Variants in GAB1 observed in about 807,000 individuals in gnomAD.
GAB1 encodes GRB2 associated binding protein 1.
Under a neutral mutation model 66.5 loss-of-function variants are expected in GAB1, and 19 were observed. The ratio of observed to expected loss-of-function variants is 0.29; its 90% CI spans 0.20 to 0.42. GAB1 has a LOEUF of 0.42. Among genes scored for constraint, GAB1 ranks in the 10% least tolerant of loss-of-function variants. The probability of loss-of-function intolerance (pLI) is 1.00; values close to 1 mark genes in which losing one functional copy is unlikely to be tolerated. For missense variants in GAB1, 732 were observed against 858.5 expected (o/e 0.85, Z 1.84); for synonymous variants, 294 against 301.4 (o/e 0.98, Z 0.25).
At chr4:143,348,170 A>G (rs1261402869) in intron 1 of GAB1, among the ~76,000 whole-genome samples, 1 of 152,232 alleles carries the variant, frequency 6.6e-6, no homozygotes. Flanking sequence ...AAACATTATT[A>G]TAATCTTGGA....
intron 2 of GAB1, among the ~76,000 whole-genome samples, chr4:143,423,862 A>C (rs1433430879): frequency 8.0e-6 from 1 of 124,596 alleles, no homozygotes; most frequent in African/African-American, 2.8e-5. Context: ...TGAAAAGGAT[A>C]TTTTTTTTTT....
At position 143,469,300 on chromosome 4, in the gene GAB1, T is replaced by C; in HGVS notation, c.*111T>C. 1.2e-5 allele frequency: 14 copies of C among 1,150,954 alleles called. No individual in the cohort carries two copies. The South Asian group carries it at 2.2e-4, about 18-fold the overall frequency. 71.3% of individuals were successfully genotyped at this position (1,150,954 alleles called of 1,614,324 possible). Reference sequence around the variant, plus strand: ...TAGGTAGATCCTCAAATGAGTAGAGTTGAAGTCAAAGGACCTTTCTGACAT... The same window carrying C: ...TAGGTAGATCCTCAAATGAGTAGAGCTGAAGTCAAAGGACCTTTCTGACAT... On this transcript the variant is annotated 3_prime_UTR_variant, in exon 10 of 10. Coordinates refer to ENST00000262994, the MANE Select transcript of GAB1 (RefSeq NM_002039.4).
chr4:143,411,936 AAAAT>A (rs377634641), intron 1 of GAB1, among the ~76,000 whole-genome samples: 5 of 152,330 alleles, frequency 3.3e-5, no homozygotes, highest in African/African-American at 1.2e-4. Flanking sequence ...GACCATGTTA[AAAAT>A]AAATAAATAA....
intron 1 of GAB1, among the ~76,000 whole-genome samples, chr4:143,340,872 G>A (rs1471314305): frequency 3.9e-5 from 6 of 152,034 alleles, no homozygotes; most frequent in Admixed American, 2.0e-4. Flanking sequence ...TTACAGCTCC[G>A]TTTTATGTTT....
At chr4:143,352,307 A>G (rs1729261434) in intron 1 of GAB1, among the ~76,000 whole-genome samples, 1 of 152,226 alleles carries the variant, frequency 6.6e-6, no homozygotes, top group Non-Finnish European at 1.5e-5. Context: ...AATTGGCAGC[A>G]GCCACAGAGC....
intron 1 of GAB1, among the ~76,000 whole-genome samples, chr4:143,371,541 C>T (rs1445388778): frequency 6.6e-6 from 1 of 151,850 alleles, no homozygotes; most frequent in Non-Finnish European, 1.5e-5. Flanking sequence ...TGTGCAGAAG[C>T]TCTTTAGTTT....
intron 1 of GAB1, among the ~76,000 whole-genome samples, chr4:143,367,389 A>G (rs1729926805): frequency 6.6e-6 from 1 of 152,198 alleles, no homozygotes; most frequent in African/African-American, 2.4e-5. Flanking sequence ...TATTTATACA[A>G]TATACTTAGA....
chr4:143,440,142 C>G lies in GAB1; in HGVS notation c.1345C>G (p.Pro449Ala). ...TGAAGAACTGGATGAAAATTACGTC[C>G]CAATGAATCCCAATTCACCACCACG... is the stretch of plus-strand genomic sequence containing the variant. ...SSEELDENYV[P>A]MNPNSPPRQH... The change falls in exon 6 of 10, where the codon CCA (proline) becomes GCA (alanine). Residue 449 changes from proline (P) to alanine (A), a missense_variant. By Grantham distance (27) the Pro-to-Ala change is conservative (BLOSUM62 -1). This residue lies in a region of GAB1 where 427 missense variants were observed against 420.6 expected (regional missense o/e 1.02). Coordinates refer to ENST00000262994, the MANE Select transcript of GAB1 (RefSeq NM_002039.4). 6.2e-7 allele frequency: 1 copy of G among 1,614,056 alleles called. No individual in the cohort carries two copies. Among genetic ancestry groups the G allele is most frequent in the East Asian group, 2.2e-5 (1 of 44,876 alleles).
At chr4:143,370,113 G>A (rs927094407) in intron 1 of GAB1, among the ~76,000 whole-genome samples, 14 of 152,162 alleles carry the variant, frequency 9.2e-5, no homozygotes, top group Admixed American at 3.3e-4. Context: ...ATAATTTGGG[G>A]AACATTTCAT....
At chr4:143,441,257 G>A (rs1734214518) in intron 6 of GAB1, among the ~76,000 whole-genome samples, 1 of 152,218 alleles carries the variant, frequency 6.6e-6, no homozygotes. Flanking sequence ...GTTGCACCAT[G>A]CTGTTAGTGT....
rs1182899950 is a variant in GAB1, at chr4:143,473,304, G to A, written c.*4115G>A. ...CAAATAAAACTTTTCAAACAATTTG[G>A]TTTCAAGACCTTAAATAGACAAGTT... On this transcript the variant is annotated 3_prime_UTR_variant, in exon 10 of 10. Coordinates refer to ENST00000262994, the MANE Select transcript of GAB1 (RefSeq NM_002039.4). The A allele has an allele frequency of 1.3e-5, 2 of 152,084 alleles. No individual in the cohort carries two copies. The highest frequency in any genetic ancestry group is 2.1e-4 in the South Asian group (1 of 4,826). The allele number at this position is 152,084 out of a possible 1,614,324, so 9.4% of individuals were successfully genotyped here.
intron 1 of GAB1, among the ~76,000 whole-genome samples, chr4:143,403,547 CTGCATGGTGCA>C (rs1254694190): frequency 6.6e-6 from 1 of 152,336 alleles, no homozygotes; most frequent in East Asian, 1.9e-4. Context: ...AGATCATTAT[CTGCATGGTGCA>C]TGCATGAAGA....
Position 143,343,513 on chromosome 4 carries a change from C to T in GAB1, c.72+6253C>T, listed in dbSNP as rs571933906. The T allele has an allele frequency of 3.2e-5, 5 of 154,772 alleles. No homozygotes were observed. In the East Asian group the frequency reaches 5.8e-4, roughly 18 times the overall value. The allele number at this position is 154,772 out of a possible 1,614,324, so 9.6% of individuals were successfully genotyped here. A position where few individuals can be genotyped will look rare whatever the true frequency, so the allele number is the denominator to read the frequency against. On this transcript the variant is annotated intron_variant, in intron 1 of 9. Coordinates refer to ENST00000262994, the MANE Select transcript of GAB1 (RefSeq NM_002039.4). ...TGTTGACTGAATAATAAACAGGTAT[C>T]GCAGGAGCTTTTGTTATGTGCCATG...
At chr4:143,426,621 C>T (rs2149736190) in intron 2 of GAB1, among the ~76,000 whole-genome samples, 1 of 152,284 alleles carries the variant, frequency 6.6e-6, no homozygotes, top group South Asian at 2.1e-4. Context: ...ATTTTTTCAG[C>T]ATCTGCAATG....
At chr4:143,431,128 G>C (rs1457694981) in intron 2 of GAB1, among the ~76,000 whole-genome samples, 1 of 152,130 alleles carries the variant, frequency 6.6e-6, no homozygotes, top group Non-Finnish European at 1.5e-5. Flanking sequence ...CAGACAGGCA[G>C]AAGAAAATCC....
chr4:143,411,703 C>T (rs145150517), intron 1 of GAB1, among the ~76,000 whole-genome samples: 44 of 152,280 alleles, frequency 2.9e-4, no homozygotes, highest in African/African-American at 9.4e-4. Flanking sequence ...AACATAGAGA[C>T]GCTTTTGTGC....
intron 1 of GAB1, among the ~76,000 whole-genome samples, chr4:143,409,402 GAA>G (rs1732245814): frequency 7.0e-6 from 1 of 142,790 alleles, no homozygotes; most frequent in Non-Finnish European, 1.5e-5. Context: ...CCCCCGCTCT[GAA>G]ATCTTTTCAT....
At chr4:143,369,229 C>A (rs943136028) in intron 1 of GAB1, among the ~76,000 whole-genome samples, 10 of 152,142 alleles carry the variant, frequency 6.6e-5, no homozygotes, top group Non-Finnish European at 1.2e-4. Flanking sequence ...TTATGAGCCA[C>A]CGCACCCGGC....
At chr4:143,343,699 CA>C (rs1728898693) in intron 1 of GAB1, among the ~76,000 whole-genome samples, 1 of 152,026 alleles carries the variant, frequency 6.6e-6, no homozygotes, top group South Asian at 2.1e-4. Context: ...TACGAGATGC[CA>C]GGGAAGACTC....
Sources: allele counts gnomAD v4.1 joint callset (sites outside exome capture counted in the v4.1 genomes callset), GRCh38; gene constraint gnomAD v4.1.1; regional missense constraint gnomAD v4.1.1; transcripts MANE v1.5; gene names NCBI Gene and HGNC (gene_info 2026-07-23, HGNC 2026-07-21).